DMD: variants seen among roughly 807,000 people sequenced by gnomAD.
DMD encodes mutant dystrophin.
Under a neutral mutation model 330.1 loss-of-function variants are expected in DMD, and 63 were observed. The ratio of observed to expected loss-of-function variants is 0.19; its 90% CI spans 0.16 to 0.24. The LOEUF is 0.24. Among genes scored for constraint, DMD ranks in the 10% least tolerant of loss-of-function variants. The pLI is 1.00. For missense variants in DMD, 3,344 were observed against 2,684.1 expected, an observed-to-expected ratio of 1.25 and a Z score of -5.43; for synonymous variants, 1,223 against 959.8, an observed-to-expected ratio of 1.27 and a Z score of -5.07.
intron 60 of DMD, among the ~76,000 whole-genome samples, chrX:31,375,108 T>C (rs1205800133): frequency 1.8e-5 from 2 of 111,985 alleles, no homozygotes; most frequent in Non-Finnish European, 3.8e-5. Context: ...ACGCTAAGCT[T>C]GTGGGAGTTT....
Position 32,243,685 on chromosome X carries a change from T to A in DMD, c.6291-26622A>T, listed in dbSNP as rs188350983. On this transcript the variant is annotated intron_variant, in intron 43 of 78. Coordinates refer to ENST00000357033, the MANE Select transcript of DMD (RefSeq NM_004006.3). Reference sequence around the variant, plus strand: ...TTTGTGAACAATATATTTCATTTAATGTAAGTTACCATAATTTAATTTTTG... The same window carrying A: ...TTTGTGAACAATATATTTCATTTAAAGTAAGTTACCATAATTTAATTTTTG... Among the ~76,000 whole-genome samples, 10 of 111,800 alleles carry A rather than the reference T, an allele frequency of 8.9e-5. No homozygotes were observed. In the East Asian group the frequency reaches 2.3e-3, roughly 25 times the overall value.
intron 43 of DMD, among the ~76,000 whole-genome samples, chrX:32,221,697 C>T (rs1451916838): frequency 6.3e-5 from 7 of 111,353 alleles, no homozygotes; most frequent in Non-Finnish European, 1.3e-4. Flanking sequence ...TTTTTTATCC[C>T]TCACTACCTT....
At chrX:33,194,381 G>C (rs1369611394) in intron 1 of DMD, among the ~76,000 whole-genome samples, 1 of 109,968 alleles carries the variant, frequency 9.1e-6, no homozygotes, top group Non-Finnish European at 1.9e-5. Flanking sequence ...TTTTCTGGCT[G>C]GTCAATTCTC....
intron 2 of DMD, among the ~76,000 whole-genome samples, chrX:32,904,270 T>C (rs2086548751): frequency 1.8e-5 from 2 of 111,790 alleles, no homozygotes; most frequent in African/African-American, 3.3e-5. Flanking sequence ...AATGCACCCA[T>C]TTAACCAGTA....
chrX:32,074,789 T>TA (rs1303636678), intron 44 of DMD, among the ~76,000 whole-genome samples: 3 of 109,736 alleles, frequency 2.7e-5, no homozygotes, highest in Admixed American at 2.0e-4. Context: ...TTTTTTTTTT[T>TA]AATTGCAATC....
At chrX:32,761,060 T>G (rs1044025291) in intron 7 of DMD, among the ~76,000 whole-genome samples, 2 of 112,031 alleles carry the variant, frequency 1.8e-5, no homozygotes, top group African/African-American at 3.2e-5. Context: ...AATGCCTTTT[T>G]ATTTGAACTC....
At chrX:32,221,079 C>T (rs2097130352) in intron 43 of DMD, among the ~76,000 whole-genome samples, 1 of 111,425 alleles carries the variant, frequency 9.0e-6, no homozygotes, top group African/African-American at 3.3e-5. Context: ...TCAGATTATT[C>T]TCAAGCATAA....
chrX:32,095,771 A>C (rs187877279), intron 44 of DMD, among the ~76,000 whole-genome samples: 57 of 112,236 alleles, frequency 5.1e-4, no homozygotes, highest in Admixed American at 9.5e-4. Flanking sequence ...TATGGATTAA[A>C]AGCATTCTGT....
At chrX:31,787,398 T>G (rs1251132932) in intron 50 of DMD, among the ~76,000 whole-genome samples, 1 of 112,160 alleles carries the variant, frequency 8.9e-6, no homozygotes, top group Non-Finnish European at 1.9e-5. Flanking sequence ...AGTTAATTAT[T>G]TATTGGTATC....
At chrX:33,085,663 T>C (rs1177509899) in intron 1 of DMD, among the ~76,000 whole-genome samples, 2 of 112,050 alleles carry the variant, frequency 1.8e-5, no homozygotes, top group Non-Finnish European at 3.8e-5. Flanking sequence ...TCAGATTTTA[T>C]TCTCCTTTCA....
chrX:31,623,721 TAGGGA>T (rs1395970458), intron 55 of DMD, among the ~76,000 whole-genome samples: 2 of 111,057 alleles, frequency 1.8e-5, no homozygotes, highest in Non-Finnish European at 3.8e-5. Context: ...AACACGAGAT[TAGGGA>T]AGGGAGTGAT....
chrX:31,884,510 T>C (rs1156482502), intron 47 of DMD, among the ~76,000 whole-genome samples: 1 of 111,368 alleles, frequency 9.0e-6, no homozygotes, highest in Non-Finnish European at 1.9e-5. Context: ...ATTTGGGAGA[T>C]ATTGATGAAA....
At position 32,644,311 on chromosome X, in the gene DMD, C is replaced by A. The variant is rs1170501945; in HGVS notation, c.1152G>T (p.Gly384=). The change falls in exon 11 of 79, where the codon GGG becomes GGT. Residue 384 remains glycine, a splice_region_variant and synonymous_variant. Transcript: ENST00000357033. The part of the protein sequence containing the change: ...VVKDQFHTHE[G]YMMDLTAHQG... ...GATGGGCTGTCAAATCCATCATGTA[C>A]CCCTGACAAAGAAGGAAGTTAACAA... 1 of 1,209,812 alleles carries A rather than the reference C, an allele frequency of 8.3e-7. No homozygotes were observed. The highest frequency in any genetic ancestry group is 1.1e-6 in the Non-Finnish European group (1 of 894,327).
chrX:33,012,880 G>A (rs2093727346), intron 2 of DMD, among the ~76,000 whole-genome samples: 1 of 111,044 alleles, frequency 9.0e-6, no homozygotes, highest in African/African-American at 3.3e-5. Flanking sequence ...CACAAGTTGA[G>A]GGGCATTTGT....
At chrX:32,663,361 T>A (rs1327864924) in intron 9 of DMD, among the ~76,000 whole-genome samples, 3 of 112,037 alleles carry the variant, frequency 2.7e-5, no homozygotes, top group African/African-American at 9.7e-5. Context: ...ATTGGTAAAC[T>A]TATCTTTGTC....
chrX:32,123,385 T>G (rs1309587421), intron 44 of DMD, among the ~76,000 whole-genome samples: 2 of 105,917 alleles, frequency 1.9e-5, no homozygotes, highest in Non-Finnish European at 3.9e-5. Context: ...CTCCAAGAAT[T>G]TCTGTTTCAG....
intron 1 of DMD, among the ~76,000 whole-genome samples, chrX:33,265,524 G>A (rs1281669942): frequency 1.8e-5 from 2 of 110,445 alleles, no homozygotes; most frequent in East Asian, 5.6e-4. Context: ...GGAAACTTTG[G>A]CAATAAAAGA....
At chrX:31,877,121 A>C (rs1051281287) in intron 47 of DMD, among the ~76,000 whole-genome samples, 4 of 112,181 alleles carry the variant, frequency 3.6e-5, no homozygotes, top group Non-Finnish European at 7.5e-5. Context: ...GAAAAAAATC[A>C]ATTAATGTAC....
chrX:32,201,886 G>A, intron 44 of DMD, among the ~76,000 whole-genome samples: 1 of 111,880 alleles, frequency 8.9e-6, no homozygotes, highest in South Asian at 3.7e-4. Flanking sequence ...ACAAATCCCT[G>A]AAAACTGCTG....
Sources: allele counts gnomAD v4.1 joint callset (sites outside exome capture counted in the v4.1 genomes callset), GRCh38; gene constraint gnomAD v4.1.1; transcripts MANE v1.5; gene names NCBI Gene and HGNC (gene_info 2026-07-23, HGNC 2026-07-21).